Variants in ZNF583 observed in about 807,000 individuals in gnomAD.
ZNF583 encodes the protein zinc finger protein L3-5.
A neutral mutation model predicts 55.3 loss-of-function variants in ZNF583; 30 were observed. The ratio of observed to expected loss-of-function variants is 0.54; its 90% CI spans 0.41 to 0.74. The LOEUF (loss-of-function observed/expected upper bound fraction) is 0.74. Among genes scored for constraint, ZNF583 ranks in the 30% least tolerant of loss-of-function variants. ZNF583 has a pLI of 0.00. For missense variants in ZNF583, 504 were observed against 664.7 expected (o/e 0.76, Z 2.66); for synonymous variants, 208 against 220.0 (o/e 0.95, Z 0.48).
intron 4 of ZNF583, among the ~76,000 whole-genome samples, chr19:56,420,080 T>C (rs1307760646): frequency 1.3e-5 from 2 of 152,190 alleles, no homozygotes; most frequent in Non-Finnish European, 2.9e-5. Flanking sequence ...AAACTGTAGA[T>C]TTTTCCTTTA....
At chr19:56,415,341 T>C (rs1326046402) in intron 4 of ZNF583, among the ~76,000 whole-genome samples, 1 of 152,156 alleles carries the variant, frequency 6.6e-6, no homozygotes, top group East Asian at 1.9e-4. Flanking sequence ...AAGAGGGTTA[T>C]ATATATAAGA....
Position 56,424,299 on chromosome 19 carries a change from C to T in ZNF583, c.1641C>T (p.Phe547=). Residue 547 remains phenylalanine (F), a synonymous_variant, in exon 5 of 5, where the codon TTC becomes TTT. Transcript: ENST00000333201. ...AGAGAATTCATACTATGGAGTCATT[C>T]TTGACTCTTTCCTCTCCCTCACCCT... ...HHERIHTMES[F]LTLSSPSPST... is the part of the protein sequence containing the mutation. The T allele has an allele frequency of 1.2e-6, 2 of 1,611,310 alleles. No homozygotes were observed. The highest frequency in any genetic ancestry group is 1.7e-6 in the Non-Finnish European group (2 of 1,177,602).
Position 56,424,497 on chromosome 19 carries a change from G to A in ZNF583, c.*129G>A. 1.8e-6 allele frequency: 1 copy of A among 556,088 alleles called. No individual in the cohort carries two copies. The highest frequency in any genetic ancestry group is 3.2e-6 in the Non-Finnish European group (1 of 313,982). The allele number at this position is 556,088 out of a possible 1,614,324, so 34.4% of individuals were successfully genotyped here. ...TCTCCTTGTACTCACCATTGTCTCT[G>A]TCAGATGTCCACATTGCAACCAAAT... is the stretch of plus-strand genomic sequence containing the variant. On this transcript the variant is annotated 3_prime_UTR_variant, in exon 5 of 5. Transcript: ENST00000333201.
Position 56,422,975 on chromosome 19 carries a change from C to G in ZNF583, c.317C>G (p.Ala106Gly). The G allele has an allele frequency of 1.2e-6, 2 of 1,613,756 alleles. No individual in the cohort carries two copies. The highest frequency in any genetic ancestry group is 1.7e-5 in the Admixed American group (1 of 59,990). The change falls in exon 5 of 5, where the codon GCA (alanine) becomes GGA (glycine). Residue 106 changes from alanine to glycine, a missense_variant. By Grantham distance (60) the Ala-to-Gly change is moderately conservative. This residue lies in a region of ZNF583 where 204 missense variants were observed against 235.2 expected (regional missense o/e 0.87). Transcript: ENST00000333201. ...TCATCCAAAGTTGTGACAGTGGGAG[C>G]AAGACATCTTAGTTATAGCCTTGAC... Reference protein sequence around the residue: ...EESSKVVTVGARHLSYSLDYP... With the variant: ...EESSKVVTVGGRHLSYSLDYP...
intron 2 of ZNF583, among the ~76,000 whole-genome samples, chr19:56,411,948 T>A (rs1263041121): frequency 6.6e-6 from 1 of 152,212 alleles, no homozygotes; most frequent in African/African-American, 2.4e-5. Context: ...TGAGTATTTC[T>A]TCAATAGGAG....
chr19:56,418,266 A>G (rs966962106), intron 4 of ZNF583, among the ~76,000 whole-genome samples: 3 of 152,176 alleles, frequency 2.0e-5, no homozygotes, highest in Non-Finnish European at 2.9e-5. Context: ...TTATTAAGCC[A>G]TTTATTAGTC....
At chr19:56,419,967 C>T (rs538971078) in intron 4 of ZNF583, among the ~76,000 whole-genome samples, 40 of 152,142 alleles carry the variant, frequency 2.6e-4, no homozygotes, top group Non-Finnish European at 5.3e-4. Context: ...ACTTTTTCTT[C>T]TACTTTCCTT....
intron 4 of ZNF583, among the ~76,000 whole-genome samples, chr19:56,416,498 CTTAT>C (rs1202435141): frequency 1.3e-5 from 2 of 150,344 alleles, no homozygotes; most frequent in Non-Finnish European, 3.0e-5. Flanking sequence ...TTCTAATTTT[CTTAT>C]TTATTTTGAT....
intron 4 of ZNF583, among the ~76,000 whole-genome samples, chr19:56,418,534 A>AT (rs922679237): frequency 9.9e-5 from 15 of 152,086 alleles, no homozygotes; most frequent in African/African-American, 2.2e-4. Context: ...AATAAATAGA[A>AT]TTTTTTTTAA....
At chr19:56,421,347 A>G (rs899349347) in intron 4 of ZNF583, 15 of 426,948 alleles carry the variant, frequency 3.5e-5, no homozygotes, top group African/African-American at 3.2e-4. Flanking sequence ...GTTTAATTAG[A>G]TCATTGCTCC....
intron 4 of ZNF583, among the ~76,000 whole-genome samples, chr19:56,418,395 C>T (rs894665190): frequency 6.6e-6 from 1 of 151,540 alleles, no homozygotes; most frequent in African/African-American, 2.4e-5. Context: ...GACAACATAG[C>T]AAGACTCTGT....
rs759029865 is a variant in ZNF583 at position 56,424,134 on chromosome 19, T to C, written c.1476T>C (p.Tyr492=). 2 of 1,612,118 alleles carry C rather than the reference T, an allele frequency of 1.2e-6. No homozygotes were observed. The highest frequency in any genetic ancestry group is 1.7e-5 in the Admixed American group (1 of 59,964). ...HQRIHTGEKP[Y]ECNVCGKAFS... ...GAATTCATACTGGAGAGAAACCTTA[T>C]GAATGTAATGTTTGTGGGAAAGCAT... Residue 492 remains tyrosine, a synonymous_variant, in exon 5 of 5, where the codon TAT becomes TAC. Coordinates refer to ENST00000333201, the MANE Select transcript of ZNF583 (RefSeq NM_152478.3).
upstream of ZNF583, chr19:56,404,017 G>A (rs2042104891): frequency 6.6e-6 from 1 of 152,586 alleles, no homozygotes; most frequent in Non-Finnish European, 1.5e-5. The surrounding 1 kb of genome is among the most constrained non-coding windows in gnomAD (Gnocchi z 5.2). Context: ...CGCGGTCACT[G>A]CGCGTGCGCC....
At chr19:56,405,787 A>G (rs2042137784) in intron 1 of ZNF583, among the ~76,000 whole-genome samples, 2 of 152,244 alleles carry the variant, frequency 1.3e-5, no homozygotes, top group African/African-American at 4.8e-5. Flanking sequence ...TGCTTTATGT[A>G]GATCATTTCA....
At position 56,427,143 on chromosome 19, in the gene ZNF583, C is replaced by T. The variant is rs1228606049; in HGVS notation, c.*2775C>T. On this transcript the variant is annotated 3_prime_UTR_variant, in exon 5 of 5. Coordinates refer to ENST00000333201, the MANE Select transcript of ZNF583 (RefSeq NM_152478.3). ...TTGGCTTATGTACAGGCTGTGGCTT[C>T]TAAGAAGACATGATGAAAAGCCTCT... The T allele has an allele frequency of 6.6e-6, 1 of 151,978 alleles. No homozygotes were observed. The highest frequency in any genetic ancestry group is 1.5e-5 in the Non-Finnish European group (1 of 68,018). 9.4% of individuals were successfully genotyped at this position (151,978 alleles called of 1,614,324 possible).
intron 2 of ZNF583, among the ~76,000 whole-genome samples, chr19:56,410,326 G>C (rs12975286): frequency 6.6e-6 from 1 of 152,040 alleles, no homozygotes; most frequent in African/African-American, 2.4e-5. Flanking sequence ...GTGAAATCCT[G>C]GTCTCAATGG....
intron 2 of ZNF583, among the ~76,000 whole-genome samples, chr19:56,407,706 C>A (rs926505317): frequency 6.6e-6 from 1 of 152,110 alleles, no homozygotes; most frequent in Non-Finnish European, 1.5e-5. Flanking sequence ...TAGGGACATT[C>A]TGAGTGTCCA....
chr19:56,424,347 A>G lies in ZNF583; in HGVS notation c.1689A>G (p.Arg563=). 1 of 1,498,068 alleles carries G rather than the reference A, an allele frequency of 6.7e-7. No homozygotes were observed. 92.8% of individuals were successfully genotyped at this position (1,498,068 alleles called of 1,614,324 possible). A position where few individuals can be genotyped will look rare whatever the true frequency, so the allele number is the denominator to read the frequency against. Residue 563 remains arginine (R), a synonymous_variant, in exon 5 of 5, where the codon AGA becomes AGG. Coordinates refer to ENST00000333201, the MANE Select transcript of ZNF583 (RefSeq NM_152478.3). The part of the protein sequence containing the change: ...PSPSTSNQLP[R]PVGFIS The stretch of plus-strand genomic sequence containing the variant: ...CCTCCACATCAAATCAGTTGCCAAG[A>G]CCTGTAGGTTTCATCTCCTGAATAT...
intron 4 of ZNF583, among the ~76,000 whole-genome samples, chr19:56,420,788 T>G (rs1011573497): frequency 1.3e-5 from 2 of 152,192 alleles, no homozygotes; most frequent in Admixed American, 6.5e-5. Flanking sequence ...ATATGTAATG[T>G]GAGGTTTCTA....
Sources: allele counts gnomAD v4.1 joint callset (sites outside exome capture counted in the v4.1 genomes callset), GRCh38; gene constraint gnomAD v4.1.1; regional missense constraint gnomAD v4.1.1; non-coding constraint Gnocchi (gnomAD v3.1); transcripts MANE v1.5; gene names NCBI Gene and HGNC (gene_info 2026-07-23, HGNC 2026-07-21).